The following DLGAP1 variants were observed in gnomAD, a reference collection of about 807,000 sequenced individuals.
The protein encoded by DLGAP1 is disks large-associated protein 1.
DLGAP1 carries 11 observed loss-of-function variants against 90.8 expected under a neutral mutation model. That is an observed-to-expected ratio of 0.12 (90% CI 0.08 to 0.20). DLGAP1 has a LOEUF of 0.20. Among genes scored for constraint, DLGAP1 ranks in the 10% least tolerant of loss-of-function variants. The pLI, the probability that DLGAP1 is intolerant of heterozygous loss-of-function variation, is 1.00. For synonymous variants in DLGAP1, 558 were observed against 540.7 expected (o/e 1.03, Z -0.44); for missense variants, 1,050 against 1,333.8 (o/e 0.79, Z 3.31).
chr18:4,161,349 T>C (rs1385666256), intron 1 of DLGAP1, among the ~76,000 whole-genome samples: 1 of 152,174 alleles, frequency 6.6e-6, no homozygotes, highest in Non-Finnish European at 1.5e-5. Context: ...TGGTGTTTGG[T>C]TTTATGTTCC....
intron 3 of DLGAP1, chr18:3,986,772 T>A (rs1392529666): frequency 1.4e-4 from 21 of 152,200 alleles, no homozygotes; most frequent in Admixed American, 1.4e-3. Context: ...GGAGGACATC[T>A]TCAAACGCCC....
intron 10 of DLGAP1, among the ~76,000 whole-genome samples, chr18:3,515,487 T>C (rs1251097393): frequency 5.1e-5 from 2 of 38,910 alleles, no homozygotes; most frequent in South Asian, 9.9e-4. Flanking sequence ...AAAAAAAAAA[T>C]TGGAGTCAAG....
intron 1 of DLGAP1, among the ~76,000 whole-genome samples, chr18:4,166,497 C>T (rs530124104): frequency 4.6e-5 from 7 of 152,212 alleles, no homozygotes; most frequent in East Asian, 1.9e-4. Flanking sequence ...AGACGAAGGT[C>T]GTTCCTCAAC....
chr18:3,623,071 C>T (rs59918286), intron 7 of DLGAP1, among the ~76,000 whole-genome samples: 8,787 of 152,044 alleles, frequency 0.058, 853 homozygotes, highest in African/African-American at 0.2. Context: ...TCCCAAAGTG[C>T]TGGGATTACA....
intron 7 of DLGAP1, chr18:3,721,804 C>T (rs1306242788): frequency 1.3e-5 from 2 of 152,288 alleles, no homozygotes; most frequent in South Asian, 4.1e-4. Context: ...ATTTCACTTA[C>T]TAGCTGTGTG....
intron 1 of DLGAP1, among the ~76,000 whole-genome samples, chr18:4,176,909 A>G (rs77551911): frequency 0.018 from 2,730 of 152,258 alleles, 84 homozygotes; most frequent in African/African-American, 0.061. Context: ...TCTTGCTCTC[A>G]TGCACTGTGT....
At chr18:4,237,768 C>T (rs1236125736) in intron 1 of DLGAP1, among the ~76,000 whole-genome samples, 4 of 151,790 alleles carry the variant, frequency 2.6e-5, no homozygotes, top group Non-Finnish European at 5.9e-5. Flanking sequence ...CCAGTGACAG[C>T]GGGAATTATT....
chr18:3,861,806 C>A (rs907446882), intron 4 of DLGAP1, among the ~76,000 whole-genome samples: 4 of 152,388 alleles, frequency 2.6e-5, no homozygotes, highest in Admixed American at 2.6e-4. Context: ...CTCTGACAGT[C>A]CACATTAGGG....
At chr18:4,445,235 A>G (rs572262510) in intron 1 of DLGAP1, among the ~76,000 whole-genome samples, 1 of 152,194 alleles carries the variant, frequency 6.6e-6, no homozygotes, top group South Asian at 2.1e-4. Flanking sequence ...ACTACTCCCA[A>G]TATCTTTACA....
chr18:3,582,348 A>C, intron 7 of DLGAP1, 100 bp from the exon 8 acceptor site: 1 of 1,502,666 alleles, frequency 6.7e-7, no homozygotes, highest in East Asian at 2.3e-5. Flanking sequence ...CATGAAACAC[A>C]CTGAGACATT....
At chr18:4,321,955 T>C (rs941852974) in intron 1 of DLGAP1, among the ~76,000 whole-genome samples, 1 of 110,902 alleles carries the variant, frequency 9.0e-6, no homozygotes, top group Non-Finnish European at 1.8e-5. Flanking sequence ...CTCAGCAGTT[T>C]GGGAGGCCTA....
chr18:4,212,788 C>A (rs946549163), intron 1 of DLGAP1, among the ~76,000 whole-genome samples: 1 of 151,902 alleles, frequency 6.6e-6, no homozygotes, highest in Non-Finnish European at 1.5e-5. Flanking sequence ...AATTTTTACA[C>A]AGTATAAAAA....
intron 10 of DLGAP1, among the ~76,000 whole-genome samples, chr18:3,511,916 G>A (rs190032707): frequency 1.2e-3 from 190 of 152,234 alleles, no homozygotes; most frequent in Non-Finnish European, 2.5e-3. Context: ...AAAGGTGATC[G>A]CTAAGGGTCA....
chr18:3,590,945 C>T (rs2056203221), intron 7 of DLGAP1, among the ~76,000 whole-genome samples: 2 of 151,714 alleles, frequency 1.3e-5, no homozygotes, highest in African/African-American at 2.4e-5. Context: ...AGTGTTTTAC[C>T]TGTTGAATCT....
intron 6 of DLGAP1, among the ~76,000 whole-genome samples, chr18:3,738,098 C>G (rs1259858156): frequency 6.6e-6 from 1 of 151,858 alleles, no homozygotes; most frequent in East Asian, 1.9e-4. Context: ...AGAAGAACTA[C>G]AAACCACTGC....
At chr18:3,786,131 A>T (rs2148175159) in intron 5 of DLGAP1, among the ~76,000 whole-genome samples, 1 of 152,304 alleles carries the variant, frequency 6.6e-6, no homozygotes, top group East Asian at 1.9e-4. Context: ...TCTCACTGGG[A>T]TAATCTCTTC....
At chr18:4,036,879 A>G (rs543441595) in intron 2 of DLGAP1, among the ~76,000 whole-genome samples, 1 of 152,274 alleles carries the variant, frequency 6.6e-6, no homozygotes, top group African/African-American at 2.4e-5. Flanking sequence ...AAATAGCATT[A>G]TTTTCTCTTC....
intron 7 of DLGAP1, among the ~76,000 whole-genome samples, chr18:3,724,512 G>T (rs1598467073): frequency 6.6e-6 from 1 of 152,192 alleles, no homozygotes; most frequent in East Asian, 1.9e-4. Context: ...GGGAGGCCAA[G>T]GCGGGTGGAT....
chr18:3,907,930 G>A (rs2071946984), intron 3 of DLGAP1, among the ~76,000 whole-genome samples: 1 of 152,190 alleles, frequency 6.6e-6, no homozygotes, highest in South Asian at 2.1e-4. Flanking sequence ...CAGGCTTCAT[G>A]GCAGCACAAT....
Sources: gnomAD v4.1 joint callset for allele counts (sites outside exome capture counted in the v4.1 genomes callset) on GRCh38, gnomAD v4.1.1 for gene constraint, MANE v1.5 for transcripts, NCBI Gene and HGNC (gene_info 2026-07-23, HGNC 2026-07-21) for gene names.